Variants in CST1 observed in about 807,000 individuals in gnomAD.
The protein encoded by CST1 is cystatin-SN.
A neutral mutation model predicts 10.7 loss-of-function variants in CST1; 19 were observed. The observed-to-expected ratio is 1.78, with a 90% CI of 1.24 to 2.61. The LOEUF (loss-of-function observed/expected upper bound fraction) is 2.61. Among genes scored for constraint, CST1 ranks in the 30% most tolerant of loss-of-function variants. The probability of loss-of-function intolerance (pLI) is 0.00; values close to 1 mark genes in which losing one functional copy is unlikely to be tolerated. For synonymous variants in CST1, 95 were observed against 72.8 expected (o/e 1.31, Z -1.55); for missense variants, 247 against 178.1 (o/e 1.39, Z -2.20).
In CST1 at chr20:23,748,616, C is replaced by A. The variant is rs960809134; in HGVS notation, c.342+400G>T. Among the ~76,000 whole-genome samples the A allele has an allele frequency of 2.0e-5, 3 of 152,134 alleles. No homozygotes were observed. In the South Asian group the frequency reaches 6.2e-4, roughly 32 times the overall value. On this transcript the variant is annotated intron_variant, in intron 2 of 2. Transcript: ENST00000304749. ...TTGACCTTATAGTAACCATTCCCAACCTAAAGCCTTCCTAGCAAATCAAAC... is the reference window on the plus strand; with the variant it reads ...TTGACCTTATAGTAACCATTCCCAAACTAAAGCCTTCCTAGCAAATCAAAC...
In CST1 at chr20:23,750,777, G is replaced by A; in HGVS notation, c.90C>T (p.Ile30=). 1 of 1,614,166 alleles carries A rather than the reference G, an allele frequency of 6.2e-7. No homozygotes were observed. Among genetic ancestry groups the A allele is most frequent in the Non-Finnish European group, 8.5e-7 (1 of 1,180,018 alleles). The change falls in exon 1 of 3, where the codon ATC becomes ATT. Residue 30 remains isoleucine (I), a synonymous_variant. Transcript: ENST00000304749. The part of the protein sequence containing the change: ...AWSPKEEDRI[I]PGGIYNADLN... ...GGTCTGCGTTATAGATGCCACCCGG[G>A]ATTATCCTATCCTCCTCCTTGGGGC...
intron 2 of CST1, among the ~76,000 whole-genome samples, chr20:23,748,178 G>T (rs1257045859): frequency 2.0e-5 from 3 of 152,092 alleles, no homozygotes; most frequent in African/African-American, 7.2e-5. Context: ...GCAAGGCCTC[G>T]GGAGCCCCAA....
chr20:23,747,612 C>T lies in CST1; in HGVS notation c.*204G>A, dbSNP rs1982695099. 1 of 601,660 alleles carries T rather than the reference C, an allele frequency of 1.7e-6. No individual in the cohort carries two copies. The highest frequency in any genetic ancestry group is 3.0e-6 in the Non-Finnish European group (1 of 337,304). 37.3% of individuals were successfully genotyped at this position (601,660 alleles called of 1,614,324 possible). A position where few individuals can be genotyped will look rare whatever the true frequency, so the allele number is the denominator to read the frequency against. On this transcript the variant is annotated 3_prime_UTR_variant, in exon 3 of 3. Transcript: ENST00000304749. ...AGGTGGGGGGGTGTGTACCATGTAC[C>T]AGGGCTATTAGAAGCAAGAAGGAAG...
At chr20:23,748,091 A>C (rs1283611488) in intron 2 of CST1, among the ~76,000 whole-genome samples, 192 bp from the exon 3 acceptor site, 1 of 152,114 alleles carries the variant, frequency 6.6e-6, no homozygotes, top group African/African-American at 2.4e-5. Context: ...CAAGGCTCCA[A>C]GTCACCAGGT....
At position 23,747,728 on chromosome 20, in the gene CST1, G is replaced by A. The variant is rs7265165; in HGVS notation, c.*88C>T. 3,453 of 1,329,820 alleles carry A rather than the reference G, an allele frequency of 2.6e-3. 70 individuals are homozygous for A. In the African/African-American group the frequency reaches 0.043, roughly 17 times the overall value. The allele number at this position is 1,329,820 out of a possible 1,614,324, so 82.4% of individuals were successfully genotyped here. The stretch of plus-strand genomic sequence containing the variant: ...GCGCAGGCACATGGGGAGGCCTCCC[G>A]CAGGGTGGGGGCCACCAGTCCAGGG... On this transcript the variant is annotated 3_prime_UTR_variant, in exon 3 of 3. Coordinates refer to ENST00000304749, the MANE Select transcript of CST1 (RefSeq NM_001898.3).
rs1187771118 is a variant in CST1, at chr20:23,749,020, T to C, written c.338A>G (p.Gln113Arg). 6.2e-7 allele frequency: 1 copy of C among 1,614,058 alleles called. No individual in the cohort carries two copies. Among genetic ancestry groups the C allele is most frequent in the African/African-American group, 1.3e-5 (1 of 74,916 alleles). ...TCAFHEQPEL[Q>R]KKQLCSFEIY... is the part of the protein sequence containing the mutation. Reference sequence around the variant, plus strand: ...GGACCTGCATCAGGAACGTACCTTCTGCAGTTCTGGCTGTTCATGGAAGGC... The same window carrying C: ...GGACCTGCATCAGGAACGTACCTTCCGCAGTTCTGGCTGTTCATGGAAGGC... The change falls in exon 2 of 3, where the codon CAG (glutamine) becomes CGG (arginine). Residue 113 changes from glutamine to arginine, a missense_variant. Transcript: ENST00000304749.
rs746147492 is a variant in CST1, at chr20:23,749,102, C to G, written c.256G>C (p.Asp86His). The change falls in exon 2 of 3, where the codon GAC becomes CAC. Residue 86 changes from aspartate (D) to histidine (H), a missense_variant. Physicochemically the swap from Asp to His is moderately conservative, Grantham distance 81 (BLOSUM62 -1). Coordinates refer to ENST00000304749, the MANE Select transcript of CST1 (RefSeq NM_001898.3). ...CATATGGTGCGGCCCACCTCTACGT[C>G]GAAGAAGTAATTCACCCCCCCAACG... ...QTVGGVNYFFDVEVGRTICTK... is the reference protein window; with the variant it reads ...QTVGGVNYFFHVEVGRTICTK... 6.2e-7 allele frequency: 1 copy of G among 1,614,112 alleles called. No homozygotes were observed. Among genetic ancestry groups the G allele is most frequent in the Non-Finnish European group, 8.5e-7 (1 of 1,180,036 alleles).
chr20:23,749,358 T>C (rs1485428885), intron 1 of CST1, among the ~76,000 whole-genome samples: 3 of 152,210 alleles, frequency 2.0e-5, no homozygotes, highest in Admixed American at 1.3e-4. Flanking sequence ...AATTCTGCTG[T>C]CTGTGGCTCA....
rs778623638 is a variant in CST1, at chr20:23,747,871, T to G, written c.371A>C (p.Glu124Ala). 27 of 1,613,720 alleles carry G rather than the reference T, an allele frequency of 1.7e-5. No homozygotes were observed. The highest frequency in any genetic ancestry group is 1.3e-4 in the Admixed American group (8 of 59,980). ...KKQLCSFEIY[E>A]VPWENRRSLV... ...GGACCTTCTGTTCTCCCAGGGAACTTCGTAGATCTCGAAAGAGCACAACTG... is the reference window on the plus strand; with the variant it reads ...GGACCTTCTGTTCTCCCAGGGAACTGCGTAGATCTCGAAAGAGCACAACTG... The change falls in exon 3 of 3, where the codon GAA (glutamate) becomes GCA (alanine). Residue 124 changes from glutamate (E) to alanine (A), a missense_variant. Transcript: ENST00000304749.
At chr20:23,747,982 G>T (rs974967798) in intron 2 of CST1, 83 bp from the exon 3 acceptor site, 1 of 1,382,180 alleles carries the variant, frequency 7.2e-7, no homozygotes, top group Non-Finnish European at 1.0e-6. Flanking sequence ...TCAGAGCCTG[G>T]GTGAGGAGGA....
chr20:23,748,616 C>T (rs960809134), intron 2 of CST1, among the ~76,000 whole-genome samples: 2 of 152,134 alleles, frequency 1.3e-5, no homozygotes, highest in African/African-American at 4.8e-5. Context: ...CCATTCCCAA[C>T]CTAAAGCCTT....
chr20:23,750,729 A>G lies in CST1; in HGVS notation c.138T>C (p.Arg46=). 1 of 1,614,126 alleles carries G rather than the reference A, an allele frequency of 6.2e-7. No homozygotes were observed. Among genetic ancestry groups the G allele is most frequent in the Non-Finnish European group, 8.5e-7 (1 of 1,180,008 alleles). ...ACTCGCTGATGGCGAAGTGAAGGGC[A>G]CGCTGTACCCACTCATCATTGAGGT... ...NADLNDEWVQ[R]ALHFAISEYN... Residue 46 remains arginine, a synonymous_variant, in exon 1 of 3, where the codon CGT becomes CGC. Transcript: ENST00000304749.
At position 23,748,943 on chromosome 20, in the gene CST1, G is replaced by A. The variant is rs938236309; in HGVS notation, c.342+73C>T. On this transcript the variant is annotated intron_variant, in intron 2 of 2. Transcript: ENST00000304749. ...GCACACACACACCCTCCAAACATGT[G>A]TAGGGCAGAGGCTGACACATACGCA... 3.2e-6 allele frequency: 5 copies of A among 1,546,000 alleles called. No individual in the cohort carries two copies. The African/African-American group carries it at 5.5e-5, about 17-fold the overall frequency.
At position 23,748,681 on chromosome 20, in the gene CST1, T is replaced by C. The variant is rs544443313; in HGVS notation, c.342+335A>G. Among the ~76,000 whole-genome samples the C allele has an allele frequency of 1.4e-4, 22 of 152,108 alleles. No homozygotes were observed. The South Asian group carries it at 4.2e-3, about 29-fold the overall frequency. On this transcript the variant is annotated intron_variant, in intron 2 of 2. Coordinates refer to ENST00000304749, the MANE Select transcript of CST1 (RefSeq NM_001898.3). The stretch of plus-strand genomic sequence containing the variant: ...CCTCACCACCCCATCTGCACATACA[T>C]GGACAACTACGTAAACTCACTTGGA...
At chr20:23,750,516 A>G in intron 1 of CST1, 123 bp downstream of exon 1, 1 of 929,696 alleles carries the variant, frequency 1.1e-6, no homozygotes, top group Non-Finnish European at 1.7e-6. Flanking sequence ...AGCCAGGGAA[A>G]GCTGAATGAA....
At chr20:23,750,446 A>G (rs537279513) in intron 1 of CST1, among the ~76,000 whole-genome samples, 193 bp downstream of exon 1, 7 of 152,226 alleles carry the variant, frequency 4.6e-5, no homozygotes, top group Non-Finnish European at 1.0e-4. Flanking sequence ...TGCAGGTTAA[A>G]GGAAGCTGAG....
At chr20:23,748,057 T>C (rs1982716654) in intron 2 of CST1, among the ~76,000 whole-genome samples, 158 bp from the exon 3 acceptor site, 1 of 152,018 alleles carries the variant, frequency 6.6e-6, no homozygotes, top group Non-Finnish European at 1.5e-5. Context: ...CTAGAATGAA[T>C]AGTGACTGTT....
rs756782667 is a variant in CST1, at chr20:23,749,062, G to T, written c.296C>A (p.Pro99His). ...ATGGAAGGCACAGGTGTCCAAGTTG[G>T]GCTGGGACTTGGTACATATGGTGCG... ...VGRTICTKSQ[P>H]NLDTCAFHEQ... Residue 99 changes from proline (P) to histidine (H), a missense_variant, in exon 2 of 3, where the codon CCC becomes CAC. By Grantham distance (77) the Pro-to-His change is moderately conservative (BLOSUM62 -2). Coordinates refer to ENST00000304749, the MANE Select transcript of CST1 (RefSeq NM_001898.3). 1 of 1,614,122 alleles carries T rather than the reference G, an allele frequency of 6.2e-7. No homozygotes were observed. Among genetic ancestry groups the T allele is most frequent in the Non-Finnish European group, 8.5e-7 (1 of 1,180,004 alleles).
At position 23,748,026 on chromosome 20, in the gene CST1, A is replaced by G. The variant is rs573517819; in HGVS notation, c.343-127T>C. On this transcript the variant is annotated intron_variant, in intron 2 of 2. Coordinates refer to ENST00000304749, the MANE Select transcript of CST1 (RefSeq NM_001898.3). ...AGACACTGGGCCCTCACCCACCCCT[A>G]CTGAGTCCCAGAGTGCTGAACTAGA... 1.2e-4 allele frequency: 108 copies of G among 880,608 alleles called. No homozygotes were observed. The Middle Eastern group carries it at 8.2e-3, about 67-fold the overall frequency. The allele number at this position is 880,608 out of a possible 1,614,324, so 54.5% of individuals were successfully genotyped here.
Sources: allele counts gnomAD v4.1 joint callset (sites outside exome capture counted in the v4.1 genomes callset), GRCh38; gene constraint gnomAD v4.1.1; transcripts MANE v1.5; gene names NCBI Gene and HGNC (gene_info 2026-07-23, HGNC 2026-07-21).